Variants in PVT1 observed in about 807,000 individuals in gnomAD.
The protein encoded by PVT1 is CXCR4/PVT1 fusion.
chr8:127,883,047 A>G (rs75979619), intron 2 of PVT1, among the ~76,000 whole-genome samples: 2,920 of 138,620 alleles, frequency 0.021, 99 homozygotes, highest in African/African-American at 0.079. Flanking sequence ...GCACGCACAC[A>G]TGCATGCACA....
chr8:128,062,179 G>GC (rs1813839548), intron 4 of PVT1, among the ~76,000 whole-genome samples: 1 of 152,212 alleles, frequency 6.6e-6, no homozygotes, highest in African/African-American at 2.4e-5. Flanking sequence ...TTGGAGGGCT[G>GC]CCCCCTGCGG....
intron 3 of PVT1, among the ~76,000 whole-genome samples, chr8:127,977,121 C>T (rs1816830583): frequency 6.6e-6 from 1 of 152,202 alleles, no homozygotes; most frequent in African/African-American, 2.4e-5. Flanking sequence ...TTCTTATTGT[C>T]CTCATCACTT....
At chr8:127,876,687 G>A (rs1815409221) in intron 2 of PVT1, among the ~76,000 whole-genome samples, 1 of 152,136 alleles carries the variant, frequency 6.6e-6, no homozygotes. Flanking sequence ...GGCGGAGGAG[G>A]GAACCATGTC....
intron 3 of PVT1, among the ~76,000 whole-genome samples, chr8:127,981,085 C>T (rs116058626): frequency 0.046 from 7,024 of 152,236 alleles, 330 homozygotes; most frequent in African/African-American, 0.11. Context: ...CGTGAGCTAC[C>T]GCGCCCAGGC....
chr8:128,019,475 T>A (rs1817409706), intron 4 of PVT1, among the ~76,000 whole-genome samples: 1 of 152,148 alleles, frequency 6.6e-6, no homozygotes, highest in East Asian at 1.9e-4. Context: ...AATGGTGAAA[T>A]CCCACCGCAG....
chr8:128,062,136 C>T (rs2130122600), intron 4 of PVT1, among the ~76,000 whole-genome samples: 1 of 152,302 alleles, frequency 6.6e-6, no homozygotes, highest in Admixed American at 6.5e-5. Context: ...ACTCTCCCAA[C>T]TGGTGAATGC....
chr8:127,881,925 A>G (rs1392832720), intron 2 of PVT1, among the ~76,000 whole-genome samples: 1 of 152,108 alleles, frequency 6.6e-6, no homozygotes, highest in East Asian at 1.9e-4. Flanking sequence ...TTTTTTGTAG[A>G]GATATGGTTT....
At chr8:128,036,624 T>C (rs1352064884) in intron 4 of PVT1, among the ~76,000 whole-genome samples, 4 of 152,156 alleles carry the variant, frequency 2.6e-5, no homozygotes, top group Non-Finnish European at 5.9e-5. Context: ...CTCCTGATCC[T>C]CCCGTCACTG....
chr8:127,915,629 A>G (rs1815974848), intron 3 of PVT1, among the ~76,000 whole-genome samples: 2 of 151,496 alleles, frequency 1.3e-5, no homozygotes, highest in African/African-American at 4.8e-5. Context: ...AAAAAAAAAA[A>G]AAAAAAGAGG....
At chr8:127,799,340 C>T (rs984293540) in intron 2 of PVT1, among the ~76,000 whole-genome samples, 4 of 152,194 alleles carry the variant, frequency 2.6e-5, no homozygotes, top group African/African-American at 9.6e-5. Context: ...AGGAGGATTG[C>T]TTGAGCTGAG....
intron 3 of PVT1, among the ~76,000 whole-genome samples, chr8:127,908,287 G>A (rs1175439342): frequency 6.6e-6 from 1 of 151,398 alleles, no homozygotes; most frequent in Non-Finnish European, 1.5e-5. Flanking sequence ...GTGCATGCAT[G>A]TGCATCCCTT....
intron 3 of PVT1, among the ~76,000 whole-genome samples, chr8:127,930,799 C>T (rs1020698155): frequency 4.6e-5 from 7 of 152,172 alleles, no homozygotes; most frequent in Admixed American, 1.3e-4. Flanking sequence ...TTTTCAGGTT[C>T]GTGATGATAT....
rs116920412 is a variant in PVT1 at position 128,078,075 on chromosome 8, G to A, written n.1114+7714G>A. Among the ~76,000 whole-genome samples the A allele has an allele frequency of 6.1e-3, 933 of 152,302 alleles. 3 individuals are homozygous for A. The highest frequency in any genetic ancestry group is 0.01 in the Middle Eastern group (3 of 294). On this transcript the variant is annotated intron_variant and non_coding_transcript_variant, in intron 5 of 10. Transcript: ENST00000651587. ...TCACACATCCAGGCTTGCTGGTGGA[G>A]CTTCAGTTTATGCCTGTGGTCCCAG...
chr8:127,834,205 A>G (rs1243903531), intron 2 of PVT1, among the ~76,000 whole-genome samples: 3 of 152,166 alleles, frequency 2.0e-5, no homozygotes, highest in African/African-American at 4.8e-5. Flanking sequence ...ACAGCATGAT[A>G]CTAGTACCAA....
intron 4 of PVT1, among the ~76,000 whole-genome samples, chr8:128,001,240 A>C (rs1328890882): frequency 1.3e-5 from 2 of 152,160 alleles, no homozygotes. Flanking sequence ...CGCCAGCAGC[A>C]CTGTTTCCCA....
At chr8:127,967,155 G>A (rs1458615645) in intron 3 of PVT1, among the ~76,000 whole-genome samples, 1 of 152,240 alleles carries the variant, frequency 6.6e-6, no homozygotes, top group Non-Finnish European at 1.5e-5. Flanking sequence ...GTTGGATGCT[G>A]TTTGGTGAGA....
chr8:127,910,687 A>G (rs1364486732), intron 3 of PVT1, among the ~76,000 whole-genome samples: 1 of 152,184 alleles, frequency 6.6e-6, no homozygotes, highest in Non-Finnish European at 1.5e-5. Context: ...CATCTGTTAA[A>G]TAATTTAATT....
At position 127,852,829 on chromosome 8, in the gene PVT1, G is replaced by T. The variant is rs1186909964; in HGVS notation, n.373-37760G>T. On this transcript the variant is annotated intron_variant and non_coding_transcript_variant, in intron 2 of 10. Transcript: ENST00000651587. ...GACACACGTTATGACATGTTCTGAT[G>T]ATCTGGCTTAGACAGTGGGGCCCTC... 2.6e-5 allele frequency among the ~76,000 whole-genome samples: 4 copies of T among 152,198 alleles called. No homozygotes were observed. In the East Asian group the frequency reaches 7.7e-4, roughly 29 times the overall value.
chr8:127,810,085 A>T (rs527712688), intron 2 of PVT1, among the ~76,000 whole-genome samples: 35 of 152,298 alleles, frequency 2.3e-4, no homozygotes, highest in African/African-American at 8.4e-4. Context: ...CCCCAGAAGC[A>T]TGCCCTCTGG....
Sources: gnomAD v4.1 joint callset for allele counts (sites outside exome capture counted in the v4.1 genomes callset) on GRCh38, gnomAD v4.1.1 for gene constraint, MANE v1.5 for transcripts, NCBI Gene and HGNC (gene_info 2026-07-23, HGNC 2026-07-21) for gene names.